RARB: variants seen among roughly 807,000 people sequenced by gnomAD.
RARB encodes retinoic acid receptor beta.
In RARB, 17 loss-of-function variants were observed where a neutral mutation model predicts 51.9. The observed-to-expected ratio is 0.33, with a 90% CI of 0.22 to 0.49. The LOEUF is 0.49. Ranked by LOEUF, RARB falls within the 20% of genes least tolerant of loss-of-function variation. The pLI, the probability that RARB is intolerant of heterozygous loss-of-function variation, is 0.99. For synonymous variants in RARB, 215 were observed against 195.4 expected, an observed-to-expected ratio of 1.10 and a Z score of -0.84; for missense variants, 369 against 550.8, an observed-to-expected ratio of 0.67 and a Z score of 3.30.
At chr3:25,254,745 G>T (rs1285312224) in intron 5 of RARB, among the ~76,000 whole-genome samples, 1 of 152,066 alleles carries the variant, frequency 6.6e-6, no homozygotes, top group African/African-American at 2.4e-5. Context: ...GGGTCCAAAG[G>T]GGGAGATAAA....
At chr3:25,480,518 C>A (rs78996393) in intron 2 of RARB, among the ~76,000 whole-genome samples, 1 of 152,140 alleles carries the variant, frequency 6.6e-6, no homozygotes, top group South Asian at 2.1e-4. Context: ...TAACTCCCAT[C>A]TTTAACATTA....
intron 5 of RARB, among the ~76,000 whole-genome samples, chr3:25,379,755 CA>C (rs1706570592): frequency 6.6e-6 from 1 of 152,172 alleles, no homozygotes; most frequent in South Asian, 2.1e-4. Flanking sequence ...TACATTATAA[CA>C]TCTCTCAAAT....
At chr3:24,923,347 A>C (rs1458505020) in intron 2 of RARB, among the ~76,000 whole-genome samples, 1 of 152,104 alleles carries the variant, frequency 6.6e-6, no homozygotes, top group Non-Finnish European at 1.5e-5. Context: ...TTGTGAATTA[A>C]TTTGGGATTT....
intron 1 of RARB, among the ~76,000 whole-genome samples, chr3:24,839,285 G>C (rs921540490): frequency 6.6e-6 from 1 of 152,112 alleles, no homozygotes; most frequent in Non-Finnish European, 1.5e-5. Flanking sequence ...CTGTTCTTGA[G>C]TGTTTAACCT....
chr3:25,008,436 G>A (rs1048688519), intron 2 of RARB, among the ~76,000 whole-genome samples: 2 of 152,082 alleles, frequency 1.3e-5, no homozygotes, highest in African/African-American at 4.8e-5. Context: ...TAGCTCTTAA[G>A]TACAGTTCAG....
At chr3:25,541,103 A>G (rs1865613) in intron 3 of RARB, among the ~76,000 whole-genome samples, 5,795 of 152,296 alleles carry the variant, frequency 0.038, 147 homozygotes, top group Non-Finnish European at 0.057. Context: ...ATTTATACTC[A>G]TTGTCTAAAG....
intron 3 of RARB, among the ~76,000 whole-genome samples, chr3:25,072,628 C>T (rs554714907): frequency 2.0e-5 from 3 of 152,296 alleles, no homozygotes; most frequent in African/African-American, 7.2e-5. Flanking sequence ...GTAAGAACCT[C>T]ACTGGGTTCT....
intron 5 of RARB, among the ~76,000 whole-genome samples, chr3:25,393,530 T>C (rs549918028): frequency 6.6e-6 from 1 of 152,114 alleles, no homozygotes; most frequent in Non-Finnish European, 1.5e-5. Context: ...CTTTTTTTTG[T>C]TGGCAGTTTT....
chr3:25,221,206 C>A (rs890563134), intron 5 of RARB, among the ~76,000 whole-genome samples: 4 of 152,116 alleles, frequency 2.6e-5, no homozygotes, highest in Non-Finnish European at 4.4e-5. Flanking sequence ...GAACTACCAA[C>A]ACTGAACATA....
intron 5 of RARB, among the ~76,000 whole-genome samples, chr3:25,591,410 G>A (rs1240088183): frequency 6.6e-6 from 1 of 152,164 alleles, no homozygotes; most frequent in Non-Finnish European, 1.5e-5. Context: ...GGCCGATATC[G>A]AAATCAGTAC....
At position 25,027,625 on chromosome 3, in the gene RARB, A is replaced by AAC. The variant is rs1553624796; in HGVS notation, c.-379-32500_-379-32499insAC. 2.8e-4 allele frequency among the ~76,000 whole-genome samples: 42 copies of AAC among 151,742 alleles called. No homozygotes were observed. The East Asian group carries it at 4.1e-3, about 15-fold the overall frequency. ...TACACTTTATGGAAAGGAAAAAAAA[A>AAC]CCACAATTCTGTTGACACTAATATA... is the stretch of plus-strand genomic sequence containing the variant. On this transcript the variant is annotated intron_variant, in intron 2 of 11. Coordinates refer to the RARB transcript ENST00000383772.
chr3:25,108,228 T>C (rs1350154139), intron 3 of RARB, among the ~76,000 whole-genome samples: 1 of 152,158 alleles, frequency 6.6e-6, no homozygotes, highest in Non-Finnish European at 1.5e-5. Context: ...TTTTGGACGA[T>C]GGTTGATCGT....
chr3:25,216,864 C>T (rs1701846344), intron 5 of RARB, among the ~76,000 whole-genome samples: 1 of 151,972 alleles, frequency 6.6e-6, no homozygotes, highest in Admixed American at 6.6e-5. Flanking sequence ...GAAATCAGAT[C>T]ATCTCTTGTT....
At chr3:25,590,253 A>G (rs1049981067) in intron 5 of RARB, among the ~76,000 whole-genome samples, 1 of 152,250 alleles carries the variant, frequency 6.6e-6, no homozygotes, top group African/African-American at 2.4e-5. Context: ...CTTTTCGAAT[A>G]GAATAGTTAG....
At chr3:25,279,994 T>A (rs1703482922) in intron 5 of RARB, among the ~76,000 whole-genome samples, 1 of 152,088 alleles carries the variant, frequency 6.6e-6, no homozygotes, top group Non-Finnish European at 1.5e-5. Context: ...CATTGCTAGA[T>A]TTGCGGCTGA....
intron 5 of RARB, among the ~76,000 whole-genome samples, chr3:25,206,054 A>G (rs1468103058): frequency 6.6e-6 from 1 of 152,216 alleles, no homozygotes; most frequent in African/African-American, 2.4e-5. Flanking sequence ...TGTATGACGT[A>G]TGTTTTTGAC....
chr3:25,053,940 G>A (rs4858140), intron 2 of RARB, among the ~76,000 whole-genome samples: 1 of 152,066 alleles, frequency 6.6e-6, no homozygotes, highest in African/African-American at 2.4e-5. Flanking sequence ...AAATCACAGG[G>A]CATTGTAATC....
intron 5 of RARB, among the ~76,000 whole-genome samples, chr3:25,196,096 G>A (rs1701226954): frequency 6.6e-6 from 1 of 151,848 alleles, no homozygotes; most frequent in Non-Finnish European, 1.5e-5. Context: ...TATTCTTTAT[G>A]TTCTAGGGTA....
intron 2 of RARB, among the ~76,000 whole-genome samples, chr3:24,985,635 T>G (rs538451067): frequency 1.3e-5 from 2 of 152,190 alleles, no homozygotes; most frequent in Non-Finnish European, 2.9e-5. Context: ...AATAGATGTT[T>G]GCCATTTGGA....
Sources: gnomAD v4.1 joint callset for allele counts (sites outside exome capture counted in the v4.1 genomes callset) on GRCh38, gnomAD v4.1.1 for gene constraint, MANE v1.5 for transcripts, NCBI Gene and HGNC (gene_info 2026-07-23, HGNC 2026-07-21) for gene names.